SIGLEC1: variants seen among roughly 807,000 people sequenced by gnomAD.
SIGLEC1 encodes sialoadhesin.
Under a neutral mutation model 148.0 loss-of-function variants are expected in SIGLEC1, and 132 were observed. The observed-to-expected ratio is 0.89, with a 90% confidence interval of 0.77 to 1.03. The LOEUF (loss-of-function observed/expected upper bound fraction) is 1.03, where lower values mean the gene tolerates loss of function less well. Among genes scored for constraint, SIGLEC1 ranks in the 50% least tolerant of loss-of-function variants. SIGLEC1 has a pLI of 0.00. For synonymous variants in SIGLEC1, 945 were observed against 969.0 expected, an observed-to-expected ratio of 0.98 and a Z score of 0.46; for missense variants, 2,253 against 2,271.4, an observed-to-expected ratio of 0.99 and a Z score of 0.16.
Position 3,701,793 on chromosome 20 carries a change from T to C in SIGLEC1, c.1229-152A>G. On this transcript the variant is annotated intron_variant, in intron 6 of 21. Transcript: ENST00000344754. ...GTGCCTGAGTGCCTGCTGAATACAC[T>C]TTTGTCCTTGGCTGGGCTGGGTACG... 4 of 729,532 alleles carry C rather than the reference T, an allele frequency of 5.5e-6. No homozygotes were observed. In the South Asian group the frequency reaches 8.0e-5, roughly 15 times the overall value. 45.2% of individuals were successfully genotyped at this position (729,532 alleles called of 1,614,324 possible).
intron 9 of SIGLEC1, among the ~76,000 whole-genome samples, 153 bp downstream of exon 9, chr20:3,697,645 G>A (rs2087814051): frequency 6.6e-6 from 1 of 152,156 alleles, no homozygotes. Flanking sequence ...ATCATGGGAA[G>A]GAGCAGCTCC....
rs1405536670 is a variant in SIGLEC1, at chr20:3,701,642, C to T, written c.1229-1G>A. Reference sequence around the variant, plus strand: ...GTCAGGACTGGAGTGAGAGGCGGGTCTGTGTGGAGACGAGAGGTGGGCCTG... The same window carrying T: ...GTCAGGACTGGAGTGAGAGGCGGGTTTGTGTGGAGACGAGAGGTGGGCCTG... On this transcript the variant is annotated splice_acceptor_variant, in intron 6 of 21. Coordinates refer to ENST00000344754, the MANE Select transcript of SIGLEC1 (RefSeq NM_023068.4). LOFTEE classifies it high-confidence loss of function. 1 of 1,556,540 alleles carries T rather than the reference C, an allele frequency of 6.4e-7. No individual in the cohort carries two copies. The highest frequency in any genetic ancestry group is 8.7e-7 in the Non-Finnish European group (1 of 1,147,360).
intron 6 of SIGLEC1, 22 bp from the exon 7 acceptor site, chr20:3,701,663 G>A: frequency 6.5e-7 from 1 of 1,529,184 alleles, no homozygotes; most frequent in Non-Finnish European, 8.8e-7. Flanking sequence ...CGAGAGGTGG[G>A]CCTGTCACCC....
At chr20:3,706,806 C>T in intron 2 of SIGLEC1, 100 bp from the exon 3 acceptor site, 1 of 1,371,864 alleles carries the variant, frequency 7.3e-7, no homozygotes, top group Non-Finnish European at 9.7e-7. Context: ...CCCAGCTGGG[C>T]TCCCAAATTC....
chr20:3,710,181 C>T lies in SIGLEC1; in HGVS notation c.-110+2289G>A, dbSNP rs762947648. ...CAGGAAACTCATGACCTCCCAGCTC[C>T]CAGCCCATCCGCCTCAGGGGCTGGG... On this transcript the variant is annotated intron_variant, in intron 1 of 21. Transcript: ENST00000344754. This position sits in a 1 kb window ranked among gnomAD's most constrained non-coding sequence, Gnocchi z 4.6. 6.6e-6 allele frequency among the ~76,000 whole-genome samples: 1 copy of T among 152,198 alleles called. No individual in the cohort carries two copies. Among genetic ancestry groups the T allele is most frequent in the Non-Finnish European group, 1.5e-5 (1 of 68,036 alleles).
rs147371426 is a variant in SIGLEC1, at chr20:3,698,289, G to C, written c.1787-156C>G. Among the ~76,000 whole-genome samples the C allele has an allele frequency of 7.0e-3, 1,065 of 152,358 alleles. 3 individuals carry two copies. The highest frequency in any genetic ancestry group is 0.027 in the Middle Eastern group (8 of 294). ...CACTGCACAAGGGCAGCCAGACCAG[G>C]GTGGGTGGAACTCAAGCTAGGCTCA... On this transcript the variant is annotated intron_variant, in intron 8 of 21. Transcript: ENST00000344754.
At chr20:3,707,945 T>C (rs994968823) in intron 1 of SIGLEC1, among the ~76,000 whole-genome samples, 3 of 152,390 alleles carry the variant, frequency 2.0e-5, no homozygotes, top group South Asian at 2.1e-4. Context: ...TTGAGGTTCC[T>C]GTAGCTACCC....
Position 3,691,493 on chromosome 20 carries a change from C to T in SIGLEC1, c.4438G>A (p.Ala1480Thr). 1 of 1,613,454 alleles carries T rather than the reference C, an allele frequency of 6.2e-7. No homozygotes were observed. The highest frequency in any genetic ancestry group is 8.5e-7 in the Non-Finnish European group (1 of 1,180,004). The change falls in exon 18 of 22, where the codon GCA becomes ACA. Residue 1480 changes from alanine (A) to threonine (T), a missense_variant. Coordinates refer to ENST00000344754, the MANE Select transcript of SIGLEC1 (RefSeq NM_023068.4). ...GPGPVGNSTF[A>T]WFWNDRRLHA... ...AGCCGCCGGTCATTCCAGAACCATG[C>T]AAAGGTGGAGTTGCCCACAGGCCCA...
chr20:3,697,785 C>A lies in SIGLEC1; in HGVS notation c.2122+13G>T. The A allele has an allele frequency of 1.2e-6, 2 of 1,611,668 alleles. No individual in the cohort carries two copies. The highest frequency in any genetic ancestry group is 1.7e-6 in the Non-Finnish European group (2 of 1,179,382). Reference sequence around the variant, plus strand: ...CCCCTGCCCCCAGGCCACCCATTCCCTGCCTGACTCACCCTGGCCATTGAA... The same window carrying A: ...CCCCTGCCCCCAGGCCACCCATTCCATGCCTGACTCACCCTGGCCATTGAA... On this transcript the variant is annotated intron_variant, in intron 9 of 21. Coordinates refer to ENST00000344754, the MANE Select transcript of SIGLEC1 (RefSeq NM_023068.4).
intron 1 of SIGLEC1, among the ~76,000 whole-genome samples, chr20:3,711,560 A>C (rs116215853): frequency 6.6e-6 from 1 of 152,238 alleles, no homozygotes; most frequent in African/African-American, 2.4e-5. Flanking sequence ...AAGGAAGAAC[A>C]CAGGGTGACA....
rs1268055828 is a variant in SIGLEC1, at chr20:3,703,342, G to C, written c.1083C>G (p.Tyr361Ter). The change falls in exon 6 of 22, where the codon TAC becomes TAG. Residue 361 changes from tyrosine (Y) to a stop codon, truncating the protein, a stop_gained. Coordinates refer to ENST00000344754, the MANE Select transcript of SIGLEC1 (RefSeq NM_023068.4). LOFTEE classifies it high-confidence loss of function. ...CATCCTCCAGCAGGACATGGTTCTT[G>C]TACCAGCTGTAGCGGAGATCACTGG... ...EAPSDLRYSW[Y>*]KNHVLLEDAH... is the part of the protein sequence containing the mutation. 1 of 1,614,116 alleles carries C rather than the reference G, an allele frequency of 6.2e-7. No homozygotes were observed. Among genetic ancestry groups the C allele is most frequent in the South Asian group, 1.1e-5 (1 of 91,064 alleles).
At chr20:3,711,820 C>A (rs1389909911) in intron 1 of SIGLEC1, among the ~76,000 whole-genome samples, 2 of 152,194 alleles carry the variant, frequency 1.3e-5, no homozygotes, top group African/African-American at 4.8e-5. Flanking sequence ...TGCTGGACAG[C>A]ACCAGAAGCC....
rs780697865 is a variant in SIGLEC1 at position 3,691,999 on chromosome 20, G to A, written c.4234C>T (p.Gln1412Ter). Reference sequence around the variant, plus strand: ...TCACCTGCAGGCACATCTTGCACCTGCAGCCGTAGGGCGTTTCGGGCCACC... The same window carrying A: ...TCACCTGCAGGCACATCTTGCACCTACAGCCGTAGGGCGTTTCGGGCCACC... ...VQVARNALRL[Q>*]VQDVPAGDDT... is the part of the protein sequence containing the mutation. Residue 1412 changes from glutamine to a stop codon, truncating the protein, a stop_gained, in exon 17 of 22, where the codon CAG becomes TAG. Transcript: ENST00000344754. LOFTEE classifies it high-confidence loss of function. The A allele has an allele frequency of 3.1e-6, 5 of 1,613,380 alleles. No individual in the cohort carries two copies. Among genetic ancestry groups the A allele is most frequent in the East Asian group, 2.2e-5 (1 of 44,876 alleles).
chr20:3,693,065 A>G lies in SIGLEC1; in HGVS notation c.3575T>C (p.Leu1192Pro). 1.2e-6 allele frequency: 2 copies of G among 1,606,948 alleles called. No individual in the cohort carries two copies. Among genetic ancestry groups the G allele is most frequent in the Non-Finnish European group, 1.7e-6 (2 of 1,178,584 alleles). Residue 1192 changes from leucine to proline, a missense_variant, in exon 15 of 22, where the codon CTG (leucine) becomes CCG (proline). Coordinates refer to ENST00000344754, the MANE Select transcript of SIGLEC1 (RefSeq NM_023068.4). ...ESHGGQLALV[L>P]CTVDSRPPAQ... ...GGGCGGGCGGCTGTCCACAGTGCAC[A>G]GTACCAGGGCCAGCTGCCCGCCATG...
intron 7 of SIGLEC1, among the ~76,000 whole-genome samples, chr20:3,700,697 CT>C (rs71195856): frequency 0.062 from 7,423 of 119,432 alleles, 109 homozygotes; most frequent in East Asian, 0.094. Flanking sequence ...TTTTCTTTTT[CT>C]TTTTTTTTTT....
At chr20:3,690,339 G>A in intron 18 of SIGLEC1, 75 bp from the exon 19 acceptor site, 1 of 1,240,064 alleles carries the variant, frequency 8.1e-7, no homozygotes, top group Non-Finnish European at 1.1e-6. Context: ...CATGCACAGT[G>A]ACTTTGCTGC....
chr20:3,705,233 G>C (rs1460516601), intron 4 of SIGLEC1, among the ~76,000 whole-genome samples: 1 of 152,226 alleles, frequency 6.6e-6, no homozygotes, highest in African/African-American at 2.4e-5. Context: ...CTGGCCTCAA[G>C]TGATCCACCC....
chr20:3,704,070 A>G lies in SIGLEC1; in HGVS notation c.728T>C (p.Ile243Thr). The G allele has an allele frequency of 6.2e-7, 1 of 1,611,922 alleles. No individual in the cohort carries two copies. Among genetic ancestry groups the G allele is most frequent in the South Asian group, 1.1e-5 (1 of 90,952 alleles). The stretch of plus-strand genomic sequence containing the variant: ...GTTCCTCCCCGAGGGGCTGAGGAGG[A>G]TCTTCACACCCTTGGGGGCATCTGC... ...QVKYAPKGVK[I>T]LLSPSGRNIL... Residue 243 changes from isoleucine (I) to threonine (T), a missense_variant, in exon 5 of 22, where the codon ATC becomes ACC. Physicochemically the swap from Ile to Thr is moderately conservative, Grantham distance 89. Coordinates refer to ENST00000344754, the MANE Select transcript of SIGLEC1 (RefSeq NM_023068.4).
Position 3,707,086 on chromosome 20 carries a change from G to C in SIGLEC1, c.43C>G (p.Pro15Ala). The C allele has an allele frequency of 6.2e-7, 1 of 1,614,074 alleles. No individual in the cohort carries two copies. Residue 15 changes from proline to alanine, a missense_variant, in exon 2 of 22, where the codon CCA becomes GCA. Physicochemically the swap from Pro to Ala is conservative, Grantham distance 27. Coordinates refer to ENST00000344754, the MANE Select transcript of SIGLEC1 (RefSeq NM_023068.4). ...CTAGGCCCGCAAAGCTTACCTGCTG[G>C]GAAGAATGAGGCCAGGAGGAGAAGC... Reference protein sequence around the residue: ...PKLLLLASFFPAGQASWGVSS... With the variant: ...PKLLLLASFFAAGQASWGVSS...
Sources: allele counts gnomAD v4.1 joint callset (sites outside exome capture counted in the v4.1 genomes callset), GRCh38; gene constraint gnomAD v4.1.1; non-coding constraint Gnocchi (gnomAD v3.1); transcripts MANE v1.5; gene names NCBI Gene and HGNC (gene_info 2026-07-23, HGNC 2026-07-21).